FANCA: variants seen among roughly 807,000 people sequenced by gnomAD.
FANCA encodes the protein Fanconi anemia group A protein.
FANCA carries 236 observed loss-of-function variants against 194.3 expected under a neutral mutation model. That is an observed-to-expected ratio of 1.21 (90% confidence interval 1.09 to 1.35). The LOEUF (loss-of-function observed/expected upper bound fraction) is 1.35. Among genes scored for constraint, FANCA ranks in the 40% most tolerant of loss-of-function variants. The probability of loss-of-function intolerance (pLI) is 0.00; values close to 1 mark genes in which losing one functional copy is unlikely to be tolerated. For synonymous variants in FANCA, 1,014 were observed against 715.8 expected (o/e 1.42, Z -6.65); for missense variants, 2,628 against 1,813.9 (o/e 1.45, Z -8.15).
intron 29 of FANCA, among the ~76,000 whole-genome samples, chr16:89,758,970 G>A (rs934694740): frequency 5.9e-5 from 9 of 152,042 alleles, no homozygotes; most frequent in South Asian, 2.1e-4. Context: ...GACATCCCAC[G>A]GGGTAACTGC....
intron 3 of FANCA, among the ~76,000 whole-genome samples, chr16:89,811,355 T>C (rs545235126): frequency 6.6e-6 from 1 of 152,268 alleles, no homozygotes; most frequent in Non-Finnish European, 1.5e-5. Flanking sequence ...AAATATATTC[T>C]GACCAAGAAC....
At chr16:89,790,349 G>A (rs1039690831) in intron 14 of FANCA, among the ~76,000 whole-genome samples, 3 of 151,822 alleles carry the variant, frequency 2.0e-5, no homozygotes, top group African/African-American at 4.8e-5. Flanking sequence ...AGCCGAGGTC[G>A]CACCAGTGCA....
chr16:89,809,931 C>A (rs1416125573), intron 5 of FANCA, among the ~76,000 whole-genome samples: 1 of 151,876 alleles, frequency 6.6e-6, no homozygotes, highest in Non-Finnish European at 1.5e-5. Flanking sequence ...GTGGCTGAGG[C>A]AGGACAATCG....
rs537376680 is a variant in FANCA, at chr16:89,787,796, G to C, written c.1360-2832C>G. The stretch of plus-strand genomic sequence containing the variant: ...TTAACTACATAATGTGATATGCTGA[G>C]AATTATATTAATTACCCCAAAGGGC... On this transcript the variant is annotated intron_variant, in intron 14 of 42. Transcript: ENST00000389301. Among the ~76,000 whole-genome samples, 5 of 151,822 alleles carry C rather than the reference G, an allele frequency of 3.3e-5. No individual in the cohort carries two copies. The South Asian group carries it at 6.3e-4, about 19-fold the overall frequency.
intron 37 of FANCA, among the ~76,000 whole-genome samples, chr16:89,742,467 T>TA (rs2062157407): frequency 1.3e-5 from 2 of 151,946 alleles, no homozygotes; most frequent in South Asian, 4.1e-4. Flanking sequence ...TACAACCATT[T>TA]AAAAAACTGA....
intron 6 of FANCA, among the ~76,000 whole-genome samples, chr16:89,807,502 C>A (rs574239256): frequency 6.6e-6 from 1 of 151,850 alleles, no homozygotes; most frequent in South Asian, 2.1e-4. Flanking sequence ...GTAATCCCAG[C>A]ACTTTGGGAG....
intron 30 of FANCA, among the ~76,000 whole-genome samples, chr16:89,757,757 G>A (rs748831091): frequency 8.5e-5 from 13 of 152,232 alleles, no homozygotes; most frequent in African/African-American, 3.1e-4. Flanking sequence ...GCTCTGTCCT[G>A]AGAATCCCTC....
intron 42 of FANCA, 31 bp from the exon 43 acceptor site, chr16:89,738,739 G>GC (rs1567591319): frequency 6.2e-7 from 1 of 1,613,048 alleles, no homozygotes; most frequent in South Asian, 1.1e-5. Context: ...CTCAGCCCAT[G>GC]CCGCCCACTA....
At chr16:89,797,259 A>T (rs2040279827) in intron 10 of FANCA, among the ~76,000 whole-genome samples, 1 of 151,906 alleles carries the variant, frequency 6.6e-6, no homozygotes, top group African/African-American at 2.4e-5. Context: ...TGAACCCAGG[A>T]GGCATAGGTT....
Position 89,791,398 on chromosome 16 carries a change from C to A in FANCA, c.1359+5G>T. 1 of 1,613,706 alleles carries A rather than the reference C, an allele frequency of 6.2e-7. No homozygotes were observed. Among genetic ancestry groups the A allele is most frequent in the Non-Finnish European group, 8.5e-7 (1 of 1,179,822 alleles). On this transcript the variant is annotated splice_donor_5th_base_variant and intron_variant, in intron 14 of 42. Transcript: ENST00000389301. ...TATTAGGTAGCCGATTGGCAGGTCACTTACCTTGAACCAGTCTGCATATGA... is the reference window on the plus strand; with the variant it reads ...TATTAGGTAGCCGATTGGCAGGTCAATTACCTTGAACCAGTCTGCATATGA...
At chr16:89,791,662 A>C in intron 13 of FANCA, 126 bp from the exon 14 acceptor site, 2 of 1,338,964 alleles carry the variant, frequency 1.5e-6, no homozygotes, top group Non-Finnish European at 1.0e-6. Context: ...AAGTTTTAAA[A>C]GACTACACAG....
intron 1 of FANCA, 50 bp from the exon 2 acceptor site, chr16:89,816,036 G>C (rs1368308881): frequency 6.9e-7 from 1 of 1,441,882 alleles, no homozygotes; most frequent in Non-Finnish European, 9.8e-7. Flanking sequence ...TCACACACGG[G>C]GTCCCCGGCC....
In FANCA at chr16:89,746,831, C is replaced by T; in HGVS notation, c.3408G>A (p.Arg1136=). ...LTQDITAHFF[R]GLLNACLRSR... ...GAGAGGGGCTGAGGGAGCATCTCAC[C>T]CTGAAGAAGTGGGCAGTGATGTCCT... Residue 1136 remains arginine, a splice_region_variant and synonymous_variant, in exon 34 of 43, where the codon AGG becomes AGA. Coordinates refer to ENST00000389301, the MANE Select transcript of FANCA (RefSeq NM_000135.4). 1.9e-6 allele frequency: 3 copies of T among 1,565,854 alleles called. No individual in the cohort carries two copies. Among genetic ancestry groups the T allele is most frequent in the Non-Finnish European group, 2.6e-6 (3 of 1,154,180 alleles).
chr16:89,784,383 A>C (rs1462661083), intron 15 of FANCA, among the ~76,000 whole-genome samples: 5 of 145,672 alleles, frequency 3.4e-5, no homozygotes, highest in Non-Finnish European at 7.5e-5. Context: ...AAAAAAACCC[A>C]AAAAAACAAA....
At chr16:89,798,648 C>A in intron 10 of FANCA, 1 of 1,210,548 alleles carries the variant, frequency 8.3e-7, no homozygotes, top group Admixed American at 3.8e-5. Context: ...GCCTCCCGAC[C>A]TGTAAGGGTC....
intron 31 of FANCA, among the ~76,000 whole-genome samples, chr16:89,750,859 T>G (rs1481067332): frequency 1.3e-5 from 2 of 152,184 alleles, no homozygotes; most frequent in Non-Finnish European, 2.9e-5. Flanking sequence ...GCTAACATTT[T>G]ACCCCACACA....
rs201668358 is a variant in FANCA, at chr16:89,771,705, C to A, written c.2124G>T (p.Thr708=). 1.9e-6 allele frequency: 3 copies of A among 1,614,162 alleles called. No individual in the cohort carries two copies. Among genetic ancestry groups the A allele is most frequent in the South Asian group, 2.2e-5 (2 of 91,086 alleles). Residue 708 remains threonine, a synonymous_variant, in exon 23 of 43, where the codon ACG becomes ACT. Coordinates refer to ENST00000389301, the MANE Select transcript of FANCA (RefSeq NM_000135.4). The stretch of plus-strand genomic sequence containing the variant: ...TGTGTTCCCGTGGCTCCAGTCTCGG[C>A]GTGTTGATGCTGAGCTGAATCTTTG... ...EISKIQLSIN[T]PRLEPREHMA...
intron 29 of FANCA, among the ~76,000 whole-genome samples, chr16:89,759,891 C>T (rs1035810952): frequency 3.9e-4 from 60 of 152,202 alleles, no homozygotes; most frequent in African/African-American, 1.3e-3. Context: ...GTGCTCTCCT[C>T]ACACTGTCCG....
At chr16:89,739,725 G>C in intron 39 of FANCA, 172 bp from the exon 40 acceptor site, 1 of 1,503,454 alleles carries the variant, frequency 6.7e-7, no homozygotes, top group Non-Finnish European at 8.9e-7. Flanking sequence ...GCTGGGAGAG[G>C]ATGGGGGGGT....
Sources: gnomAD v4.1 joint callset for allele counts (sites outside exome capture counted in the v4.1 genomes callset) on GRCh38, gnomAD v4.1.1 for gene constraint, MANE v1.5 for transcripts, NCBI Gene and HGNC (gene_info 2026-07-23, HGNC 2026-07-21) for gene names.